Variants in FIRRM observed in about 807,000 individuals in gnomAD.
FIRRM encodes FIGNL1 interacting regulator of recombination and mitosis, also known as FIGNL1-interacting regulator of recombination and mitosis.
the FIRRM span, among the ~76,000 whole-genome samples, chr1:169,844,251 G>A: frequency 6.0e-4 from 92 of 152,362 alleles, no homozygotes; most frequent in African/African-American, 2.0e-3. Context: ...AGGACAGGCA[G>A]AGCCTGGGTC....
At chr1:169,794,138 AACC>A in the FIRRM span, among the ~76,000 whole-genome samples, 1 of 152,072 alleles carries the variant, frequency 6.6e-6, no homozygotes, top group African/African-American at 2.4e-5. Flanking sequence ...GAACAACAGC[AACC>A]ACCACCACTA....
the FIRRM span, chr1:169,842,672 C>T: frequency 2.1e-6 from 2 of 958,346 alleles, no homozygotes; most frequent in Admixed American, 5.8e-5. Flanking sequence ...TTTATAAGAA[C>T]TTAAAGTACC....
the FIRRM span, chr1:169,837,017 A>T: frequency 1.2e-6 from 2 of 1,613,978 alleles, no homozygotes; most frequent in South Asian, 2.2e-5. Context: ...TCCTGAGCTT[A>T]GGGAACAAAC....
At chr1:169,808,809 G>C in the FIRRM span, among the ~76,000 whole-genome samples, 4 of 152,090 alleles carry the variant, frequency 2.6e-5, no homozygotes, top group African/African-American at 9.7e-5. Context: ...ATGTTGGCCA[G>C]GCTGGTCTCG....
chr1:169,849,092 AAAAT>A, the FIRRM span, among the ~76,000 whole-genome samples: 16 of 152,348 alleles, frequency 1.1e-4, no homozygotes, highest in African/African-American at 3.1e-4. Flanking sequence ...GCTATGGAGA[AAAAT>A]AAAGCAGGGA....
At chr1:169,853,094 T>G in the FIRRM span, 1 of 1,024,988 alleles carries the variant, frequency 9.8e-7, no homozygotes, top group Non-Finnish European at 1.5e-6. Flanking sequence ...TTGAATCTAG[T>G]GAAAATAATC....
the FIRRM span, chr1:169,795,600 A>G: frequency 9.9e-7 from 1 of 1,011,858 alleles, no homozygotes; most frequent in Non-Finnish European, 1.2e-6. Context: ...TCTGGCTCTT[A>G]ATAGTTTGAG....
At chr1:169,822,336 C>T in the FIRRM span, among the ~76,000 whole-genome samples, 1 of 152,174 alleles carries the variant, frequency 6.6e-6, no homozygotes, top group African/African-American at 2.4e-5. Flanking sequence ...TCATTGGAAA[C>T]CCTTATCTTT....
At chr1:169,800,979 A>T in the FIRRM span, 1 of 1,436,938 alleles carries the variant, frequency 7.0e-7, no homozygotes, top group African/African-American at 1.4e-5. Flanking sequence ...AAGGTATAAT[A>T]CTATTACCTG....
At chr1:169,807,076 A>G in the FIRRM span, among the ~76,000 whole-genome samples, 2 of 152,176 alleles carry the variant, frequency 1.3e-5, no homozygotes, top group African/African-American at 4.8e-5. Context: ...CTTGAAGTCT[A>G]TCCCATTTGA....
chr1:169,817,826 CTT>C, the FIRRM span, among the ~76,000 whole-genome samples: 1 of 152,166 alleles, frequency 6.6e-6, no homozygotes, highest in Non-Finnish European at 1.5e-5. Context: ...ATTTACAACT[CTT>C]TACAATTTTT....
At chr1:169,803,243 G>A in the FIRRM span, 1 of 1,613,782 alleles carries the variant, frequency 6.2e-7, no homozygotes, top group Non-Finnish European at 8.5e-7. Context: ...CCATCATTTT[G>A]GAAAATATTC....
chr1:169,784,320 G>A, the FIRRM span, among the ~76,000 whole-genome samples: 1 of 152,040 alleles, frequency 6.6e-6, no homozygotes, highest in African/African-American at 2.4e-5. Context: ...CTACCACCAT[G>A]AGTCACCAGC....
At chr1:169,792,967 A>G in the FIRRM span, 1 of 1,614,036 alleles carries the variant, frequency 6.2e-7, no homozygotes, top group Non-Finnish European at 8.5e-7. Context: ...GCTCATTTAC[A>G]TCATTTTCTT....
chr1:169,787,471 A>G, the FIRRM span, among the ~76,000 whole-genome samples: 1 of 152,250 alleles, frequency 6.6e-6, no homozygotes, highest in East Asian at 1.9e-4. Flanking sequence ...AGGTTCTGTT[A>G]GATTAGAATC....
chr1:169,823,598 C>T, the FIRRM span: 18 of 540,300 alleles, frequency 3.3e-5, no homozygotes, highest in African/African-American at 7.9e-5. Context: ...TTTTTATCTG[C>T]TAGCTTGAAA....
the FIRRM span, among the ~76,000 whole-genome samples, chr1:169,846,046 G>A: frequency 6.6e-6 from 1 of 152,202 alleles, no homozygotes; most frequent in Non-Finnish European, 1.5e-5. Flanking sequence ...CTTGATTGAT[G>A]GGCTGCAGAA....
the FIRRM span, chr1:169,853,402 A>G: frequency 0.073 from 26,618 of 363,132 alleles, 1,225 homozygotes; most frequent in Non-Finnish European, 0.094. Context: ...CTTTACTTCC[A>G]GAATTGTCCT....
the FIRRM span, chr1:169,806,205 T>A: frequency 6.3e-6 from 4 of 634,256 alleles, no homozygotes; most frequent in Non-Finnish European, 1.1e-5. Context: ...TAATGTTCAC[T>A]GACACTGCTG....
Sources: gnomAD v4.1 joint callset for allele counts (sites outside exome capture counted in the v4.1 genomes callset) on GRCh38, gnomAD v4.1.1 for gene constraint, MANE v1.5 for transcripts, NCBI Gene and HGNC (gene_info 2026-07-23, HGNC 2026-07-21) for gene names.